CDH13: variants seen among roughly 807,000 people sequenced by gnomAD.
CDH13 encodes cadherin-13.
A neutral mutation model predicts 63.8 loss-of-function variants in CDH13; 24 were observed. That is an observed-to-expected ratio of 0.38 (90% CI 0.27 to 0.53). CDH13 has a LOEUF of 0.53. Among genes scored for constraint, CDH13 ranks in the 20% least tolerant of loss-of-function variants. The probability of loss-of-function intolerance (pLI) is 0.85; values close to 1 mark genes in which losing one functional copy is unlikely to be tolerated. For missense variants in CDH13, 1,049 were observed against 903.1 expected (o/e 1.16, Z -2.07); for synonymous variants, 503 against 355.3 (o/e 1.42, Z -4.67).
At chr16:83,294,049 C>G (rs2151868424) in intron 5 of CDH13, among the ~76,000 whole-genome samples, 1 of 152,222 alleles carries the variant, frequency 6.6e-6, no homozygotes, top group East Asian at 1.9e-4. Context: ...GATTCCAAGC[C>G]AAGGATTATC....
intron 2 of CDH13, among the ~76,000 whole-genome samples, chr16:83,010,340 A>G (rs1914020184): frequency 6.6e-6 from 1 of 151,826 alleles, no homozygotes; most frequent in African/African-American, 2.4e-5. Flanking sequence ...ATCAGTTAAT[A>G]CCCCTCCCAC....
chr16:83,059,773 CTTTGTTTTTTTTTTTG>C (rs2031331907), intron 3 of CDH13, among the ~76,000 whole-genome samples: 3 of 144,166 alleles, frequency 2.1e-5, no homozygotes, highest in South Asian at 4.6e-4. Flanking sequence ...AGACTTTTGC[CTTTGTTTTTTTTTTTG>C]TTTGTTTTTT....
chr16:83,432,142 A>G (rs2072135776), intron 6 of CDH13, among the ~76,000 whole-genome samples: 1 of 152,160 alleles, frequency 6.6e-6, no homozygotes, highest in Non-Finnish European at 1.5e-5. Context: ...AGATTGTGGT[A>G]TATTGCCAGT....
intron 6 of CDH13, among the ~76,000 whole-genome samples, chr16:83,350,243 A>G (rs1168013122): frequency 6.6e-6 from 1 of 152,090 alleles, no homozygotes; most frequent in Non-Finnish European, 1.5e-5. Flanking sequence ...GCCACCCCAA[A>G]TGGCAGCCAG....
chr16:82,755,296 T>C (rs2875709), intron 1 of CDH13, among the ~76,000 whole-genome samples: 7,220 of 152,212 alleles, frequency 0.047, 183 homozygotes, highest in Middle Eastern at 0.058. Context: ...GGACAGAACA[T>C]TTCTGAGTCT....
intron 2 of CDH13, among the ~76,000 whole-genome samples, chr16:82,888,706 T>A (rs1386903486): frequency 2.6e-5 from 4 of 152,258 alleles, no homozygotes; most frequent in African/African-American, 9.6e-5. Flanking sequence ...ATGGGGATTA[T>A]TTATTGCCTT....
intron 1 of CDH13, among the ~76,000 whole-genome samples, chr16:82,740,857 A>G (rs2033895205): frequency 6.6e-6 from 1 of 152,172 alleles, no homozygotes; most frequent in Non-Finnish European, 1.5e-5. Flanking sequence ...AAGCCTCCAT[A>G]TGGGGAGTAG....
chr16:82,751,702 G>GT (rs1474826890), intron 1 of CDH13, among the ~76,000 whole-genome samples: 2 of 100,864 alleles, frequency 2.0e-5, no homozygotes, highest in South Asian at 2.9e-4. Flanking sequence ...TGGAAAACAG[G>GT]TAAAAAAAAA....
At chr16:82,738,409 C>T (rs76795863) in intron 1 of CDH13, among the ~76,000 whole-genome samples, 1 of 152,198 alleles carries the variant, frequency 6.6e-6, no homozygotes, top group Non-Finnish European at 1.5e-5. Context: ...AGCCTCTTGC[C>T]GGAGTCCTCA....
intron 6 of CDH13, among the ~76,000 whole-genome samples, chr16:83,444,139 G>A (rs186538440): frequency 2.8e-5 from 4 of 143,724 alleles, no homozygotes; most frequent in Non-Finnish European, 6.3e-5. Flanking sequence ...TGAAGATGTG[G>A]CTGCTGATGT....
intron 8 of CDH13, among the ~76,000 whole-genome samples, chr16:83,655,925 G>A (rs796434552): frequency 7.2e-5 from 11 of 152,294 alleles, no homozygotes; most frequent in South Asian, 2.1e-4. Flanking sequence ...TTACCTGAGC[G>A]GAGCTTCTGA....
At chr16:83,253,457 G>T (rs1231875615) in intron 5 of CDH13, among the ~76,000 whole-genome samples, 1 of 152,208 alleles carries the variant, frequency 6.6e-6, no homozygotes, top group African/African-American at 2.4e-5. Flanking sequence ...AATCTGTGTG[G>T]TCGTGTTGAG....
intron 7 of CDH13, among the ~76,000 whole-genome samples, chr16:83,502,375 G>A (rs1598168589): frequency 6.6e-6 from 1 of 152,034 alleles, no homozygotes; most frequent in Non-Finnish European, 1.5e-5. Context: ...AGAGCTTCTG[G>A]CATCTAAAAC....
At chr16:82,895,847 C>T (rs1022392384) in intron 2 of CDH13, among the ~76,000 whole-genome samples, 2 of 152,176 alleles carry the variant, frequency 1.3e-5, no homozygotes, top group Non-Finnish European at 2.9e-5. Flanking sequence ...TATCAACTTG[C>T]AGTACGTCAA....
intron 1 of CDH13, among the ~76,000 whole-genome samples, chr16:82,844,248 A>C (rs905219981): frequency 6.6e-6 from 1 of 152,176 alleles, no homozygotes; most frequent in African/African-American, 2.4e-5. Flanking sequence ...TTGAATGAAG[A>C]AGGAGGCTGT....
intron 4 of CDH13, among the ~76,000 whole-genome samples, chr16:83,134,283 C>T (rs1405410030): frequency 6.6e-6 from 1 of 152,098 alleles, no homozygotes; most frequent in Non-Finnish European, 1.5e-5. Context: ...ACCTCTGCCT[C>T]CCAGGTTCAA....
intron 6 of CDH13, among the ~76,000 whole-genome samples, chr16:83,367,604 T>A (rs2091282574): frequency 6.6e-6 from 1 of 152,226 alleles, no homozygotes; most frequent in Non-Finnish European, 1.5e-5. Context: ...CATTTTACAT[T>A]TCCATCAGCA....
chr16:83,337,233 A>C lies in CDH13; in HGVS notation c.637-7629A>C, dbSNP rs143702817. Among the ~76,000 whole-genome samples, 556 of 152,246 alleles carry C rather than the reference A, an allele frequency of 3.7e-3. 6 individuals are homozygous for C. The highest frequency in any genetic ancestry group is 0.013 in the African/African-American group (536 of 41,548). ...ATTTCTACTGGATACCTGCTCACCC[A>C]ACCCCCCACAGTATGGAAAGAGAGT... On this transcript the variant is annotated intron_variant, in intron 5 of 13. Transcript: ENST00000567109.
intron 7 of CDH13, among the ~76,000 whole-genome samples, chr16:83,541,377 C>G (rs2075292815): frequency 6.6e-6 from 1 of 152,208 alleles, no homozygotes; most frequent in Non-Finnish European, 1.5e-5. Context: ...TTCAGTCCCT[C>G]ACATTCCCAC....
Sources: allele counts gnomAD v4.1 joint callset (sites outside exome capture counted in the v4.1 genomes callset), GRCh38; gene constraint gnomAD v4.1.1; transcripts MANE v1.5; gene names NCBI Gene and HGNC (gene_info 2026-07-23, HGNC 2026-07-21).